Variants in MTUS2 observed in about 807,000 individuals in gnomAD.
MTUS2 encodes microtubule-associated tumor suppressor candidate 2.
In MTUS2, 40 loss-of-function variants were observed where a neutral mutation model predicts 114.1. The observed-to-expected ratio is 0.35, with a 90% confidence interval of 0.27 to 0.46. The LOEUF (loss-of-function observed/expected upper bound fraction) is 0.46, where lower values mean the gene tolerates loss of function less well. Ranked by LOEUF, MTUS2 falls within the 20% of genes least tolerant of loss-of-function variation. The pLI, the probability that MTUS2 is intolerant of heterozygous loss-of-function variation, is 1.00. For missense variants in MTUS2, 1,679 were observed against 1,705.4 expected, an observed-to-expected ratio of 0.98 and a Z score of 0.27; for synonymous variants, 688 against 672.0, an observed-to-expected ratio of 1.02 and a Z score of -0.37.
chr13:29,339,703 A>G, intron 7 of MTUS2: 1 of 190,022 alleles, frequency 5.3e-6, no homozygotes, highest in Non-Finnish European at 1.1e-5. Flanking sequence ...TCCAGGCCTC[A>G]GGGACCATCT....
chr13:28,975,290 C>G (rs556489581), intron 2 of MTUS2, among the ~76,000 whole-genome samples: 1 of 152,320 alleles, frequency 6.6e-6, no homozygotes, highest in Non-Finnish European at 1.5e-5. Context: ...CAGAGCTGTC[C>G]TTAGTTCTCC....
chr13:29,396,050 C>T (rs1261040298), intron 8 of MTUS2, among the ~76,000 whole-genome samples: 1 of 152,196 alleles, frequency 6.6e-6, no homozygotes, highest in Non-Finnish European at 1.5e-5. Context: ...TTTTTATGTA[C>T]ATGTGCTCAG....
chr13:28,973,606 G>A (rs11618540), intron 2 of MTUS2, among the ~76,000 whole-genome samples: 4,547 of 152,258 alleles, frequency 0.03, 108 homozygotes, highest in Non-Finnish European at 0.047. Context: ...CTAGGCTTTT[G>A]TGACAAGGGT....
At chr13:29,052,261 C>T (rs1887931415) in intron 4 of MTUS2, among the ~76,000 whole-genome samples, 1 of 152,094 alleles carries the variant, frequency 6.6e-6, no homozygotes, top group Admixed American at 6.5e-5. Context: ...GCAGGCAGAT[C>T]ACCTGAGGTC....
intron 6 of MTUS2, among the ~76,000 whole-genome samples, chr13:29,292,782 T>A (rs1482570273): frequency 6.6e-6 from 1 of 152,126 alleles, no homozygotes; most frequent in African/African-American, 2.4e-5. Context: ...GGCACAGGAT[T>A]ATAGAGATAA....
chr13:29,475,880 A>G (rs1880664451), intron 9 of MTUS2, among the ~76,000 whole-genome samples: 1 of 152,230 alleles, frequency 6.6e-6, no homozygotes, highest in South Asian at 2.1e-4. Flanking sequence ...AAATAAATTT[A>G]GTGTAGCCTA....
intron 4 of MTUS2, among the ~76,000 whole-genome samples, chr13:29,057,506 T>G (rs1361184688): frequency 6.6e-6 from 1 of 152,176 alleles, no homozygotes; most frequent in Non-Finnish European, 1.5e-5. Flanking sequence ...GTATTTAGGA[T>G]AGTTAGGTCT....
chr13:29,368,247 G>T (rs549339084), intron 8 of MTUS2, among the ~76,000 whole-genome samples: 121 of 151,888 alleles, frequency 8.0e-4, no homozygotes, highest in African/African-American at 2.8e-3. Context: ...CCCAGAATCT[G>T]CTTCTAACCC....
At chr13:29,097,957 A>G (rs1021389188) in intron 4 of MTUS2, among the ~76,000 whole-genome samples, 2 of 152,206 alleles carry the variant, frequency 1.3e-5, no homozygotes, top group Admixed American at 1.3e-4. Flanking sequence ...TGTCTTTCTT[A>G]TGAGACACTA....
intron 2 of MTUS2, among the ~76,000 whole-genome samples, chr13:28,872,244 A>G (rs1877660064): frequency 6.6e-6 from 1 of 152,120 alleles, no homozygotes; most frequent in African/African-American, 2.4e-5. Flanking sequence ...TTTAAAAGAT[A>G]TGTTGATGAA....
At chr13:28,997,281 C>A (rs867286232) in intron 2 of MTUS2, among the ~76,000 whole-genome samples, 2 of 152,052 alleles carry the variant, frequency 1.3e-5, no homozygotes, top group Non-Finnish European at 1.5e-5. Context: ...AATTTCTGTT[C>A]TTTTACATTT....
intron 6 of MTUS2, among the ~76,000 whole-genome samples, chr13:29,323,337 C>T (rs1290683113): frequency 2.0e-5 from 3 of 151,892 alleles, no homozygotes; most frequent in Non-Finnish European, 2.9e-5. Context: ...GCAAGCGCCA[C>T]CTCCTGGGTT....
intron 9 of MTUS2, among the ~76,000 whole-genome samples, chr13:29,477,861 A>G (rs915290662): frequency 6.6e-6 from 1 of 152,244 alleles, no homozygotes. Context: ...TATTTTCAGC[A>G]TCACCATGTA....
At chr13:28,866,938 G>A (rs1877333816) in intron 2 of MTUS2, among the ~76,000 whole-genome samples, 3 of 152,168 alleles carry the variant, frequency 2.0e-5, no homozygotes, top group African/African-American at 7.2e-5. Context: ...TTTAAGGACA[G>A]CAGTAGGATC....
At chr13:29,476,200 G>A (rs1310689120) in intron 9 of MTUS2, among the ~76,000 whole-genome samples, 1 of 152,118 alleles carries the variant, frequency 6.6e-6, no homozygotes, top group Non-Finnish European at 1.5e-5. Flanking sequence ...TGGCCTCGGT[G>A]GGTAGTAGGC....
At chr13:29,418,330 C>T (rs758530023) in intron 8 of MTUS2, among the ~76,000 whole-genome samples, 13 of 152,108 alleles carry the variant, frequency 8.5e-5, no homozygotes, top group Non-Finnish European at 1.8e-4. Context: ...TCCAGCTTCC[C>T]CTTCATTCAA....
chr13:28,908,256 A>G (rs1347124377), intron 2 of MTUS2, among the ~76,000 whole-genome samples: 2 of 151,434 alleles, frequency 1.3e-5, no homozygotes, highest in East Asian at 3.9e-4. Context: ...TTGTCATTTA[A>G]CATTAGGTAT....
chr13:29,412,836 G>A (rs1213898386), intron 8 of MTUS2, among the ~76,000 whole-genome samples: 1 of 152,148 alleles, frequency 6.6e-6, no homozygotes, highest in African/African-American at 2.4e-5. Flanking sequence ...AGGTTATGCT[G>A]AGCTATGATC....
rs1365210921 is a variant in MTUS2, at chr13:29,465,656, C to G, written c.3185-14494C>G. On this transcript the variant is annotated intron_variant, in intron 9 of 15. Coordinates refer to ENST00000612955, the MANE Select transcript of MTUS2 (RefSeq NM_001033602.4). Reference sequence around the variant, plus strand: ...GCTGTTTTTCCTCCAACTCACCATTCTTTCTGGCCTCACGTCCCAAAACTC... The same window carrying G: ...GCTGTTTTTCCTCCAACTCACCATTGTTTCTGGCCTCACGTCCCAAAACTC... 2.6e-5 allele frequency among the ~76,000 whole-genome samples: 4 copies of G among 152,306 alleles called. 1 individual carries two copies. In the South Asian group the frequency reaches 6.2e-4, roughly 24 times the overall value.
Sources: allele counts gnomAD v4.1 joint callset (sites outside exome capture counted in the v4.1 genomes callset), GRCh38; gene constraint gnomAD v4.1.1; transcripts MANE v1.5; gene names NCBI Gene and HGNC (gene_info 2026-07-23, HGNC 2026-07-21).